NCKAP1: variants seen among roughly 807,000 people sequenced by gnomAD.
NCKAP1 encodes the protein NCK associated protein 1.
NCKAP1 carries 21 observed loss-of-function variants against 151.2 expected under a neutral mutation model. That is an observed-to-expected ratio of 0.14 (90% CI 0.10 to 0.20). NCKAP1 has a LOEUF of 0.20. NCKAP1 is among the 10% of genes least tolerant of loss of function. NCKAP1 has a pLI of 1.00. For synonymous variants in NCKAP1, 484 were observed against 451.8 expected (o/e 1.07, Z -0.90); for missense variants, 933 against 1,352.1 (o/e 0.69, Z 4.86).
At chr2:183,014,678 G>C (rs1698651383) in intron 2 of NCKAP1, among the ~76,000 whole-genome samples, 2 of 152,122 alleles carry the variant, frequency 1.3e-5, no homozygotes, top group Non-Finnish European at 2.9e-5. Context: ...TTCCATTGTA[G>C]CTTTTACTGT....
intron 20 of NCKAP1, 111 bp from the exon 21 acceptor site, chr2:182,953,442 T>C (rs1015308288): frequency 3.0e-6 from 2 of 669,386 alleles, no homozygotes; most frequent in Non-Finnish European, 4.8e-6. Context: ...AAATTAACTT[T>C]AAAAATAATT....
chr2:183,038,312 C>T lies in NCKAP1; in HGVS notation c.-213G>A, dbSNP rs1047521989. ...GCCCCTTCTCCCGCAGCAGCCCGCG[C>T]CCCGGCAGCCTCCTGCCTTCCGCCC... On this transcript the variant is annotated 5_prime_UTR_variant, in exon 1 of 31. Coordinates refer to ENST00000361354, the MANE Select transcript of NCKAP1 (RefSeq NM_013436.5). 16 of 343,880 alleles carry T rather than the reference C, an allele frequency of 4.7e-5. No individual in the cohort carries two copies. The highest frequency in any genetic ancestry group is 3.2e-4 in the African/African-American group (15 of 46,258). The allele number at this position is 343,880 out of a possible 1,614,324, so 21.3% of individuals were successfully genotyped here.
intron 24 of NCKAP1, among the ~76,000 whole-genome samples, chr2:182,936,396 A>G (rs1575016156): frequency 6.6e-6 from 1 of 152,212 alleles, no homozygotes; most frequent in East Asian, 1.9e-4. Context: ...GAAGAAATAT[A>G]AACAGAATAA....
intron 15 of NCKAP1, among the ~76,000 whole-genome samples, chr2:182,970,719 T>C (rs13399354): frequency 0.6 from 91,278 of 152,076 alleles, 30,519 homozygotes; most frequent in East Asian, 0.86. Flanking sequence ...CAAGGATGCC[T>C]GCTTTCAACA....
chr2:183,001,184 G>T (rs1426958303), intron 6 of NCKAP1, among the ~76,000 whole-genome samples: 1 of 152,146 alleles, frequency 6.6e-6, no homozygotes, highest in Non-Finnish European at 1.5e-5. Context: ...CTAGTATCCT[G>T]GGCTTCAGTT....
At chr2:182,972,121 C>T (rs1697708861) in intron 15 of NCKAP1, among the ~76,000 whole-genome samples, 1 of 145,796 alleles carries the variant, frequency 6.9e-6, no homozygotes, top group Admixed American at 7.1e-5. Flanking sequence ...ACAATCAGCA[C>T]AGTGAAGAGA....
intron 2 of NCKAP1, among the ~76,000 whole-genome samples, chr2:183,010,353 G>C (rs1026410891): frequency 3.9e-5 from 6 of 152,216 alleles, no homozygotes; most frequent in African/African-American, 1.4e-4. Flanking sequence ...GTATCACATA[G>C]AGAAAGGGCA....
rs1698384082 is a variant in NCKAP1, at chr2:183,002,037, TCTGTCA to T, written c.513_518del (p.Ser171_Asp172del). ...TCATCTGGCCAAGGCGTGGGTATTC[TCTGTCA>T]CTTAAAACAGACATATCAAATTTCA... On this transcript the variant is annotated inframe_deletion and splice_region_variant, in exon 6 of 31. Coordinates refer to ENST00000361354, the MANE Select transcript of NCKAP1 (RefSeq NM_013436.5). 1 of 1,613,574 alleles carries T rather than the reference TCTGTCA, an allele frequency of 6.2e-7. No individual in the cohort carries two copies. The highest frequency in any genetic ancestry group is 1.1e-5 in the South Asian group (1 of 91,068).
chr2:182,960,810 A>G (rs1488282429), intron 18 of NCKAP1, among the ~76,000 whole-genome samples: 1 of 152,238 alleles, frequency 6.6e-6, no homozygotes, highest in Non-Finnish European at 1.5e-5. Flanking sequence ...AAAGAATGGG[A>G]GAAAATTTTT....
chr2:183,008,003 T>C (rs1475133193), intron 2 of NCKAP1, among the ~76,000 whole-genome samples: 1 of 152,220 alleles, frequency 6.6e-6, no homozygotes, highest in African/African-American at 2.4e-5. Flanking sequence ...CTCGGCTCAC[T>C]GCAACCTCCT....
At chr2:182,943,420 T>C (rs1697036612) in intron 23 of NCKAP1, among the ~76,000 whole-genome samples, 1 of 152,172 alleles carries the variant, frequency 6.6e-6, no homozygotes, top group South Asian at 2.1e-4. Flanking sequence ...AGTTAAGCTC[T>C]AGTCACATTT....
intron 20 of NCKAP1, among the ~76,000 whole-genome samples, chr2:182,954,121 AGGTTTTGTT>A (rs1697275627): frequency 6.6e-6 from 1 of 152,176 alleles, no homozygotes; most frequent in Non-Finnish European, 1.5e-5. Context: ...TAAATTGATA[AGGTTTTGTT>A]GGGAAGTGGT....
intron 23 of NCKAP1, among the ~76,000 whole-genome samples, chr2:182,943,745 T>C (rs1046811813): frequency 3.3e-5 from 5 of 152,196 alleles, no homozygotes; most frequent in Admixed American, 6.5e-5. Flanking sequence ...GTTAAGCTCT[T>C]ATACAAGGTA....
At chr2:182,982,790 G>T (rs372888434) in intron 12 of NCKAP1, 31 bp downstream of exon 12, 107 of 1,437,606 alleles carry the variant, frequency 7.4e-5, no homozygotes, top group Non-Finnish European at 9.5e-5. Flanking sequence ...TCTATATACA[G>T]AAAATATTTT....
intron 8 of NCKAP1, among the ~76,000 whole-genome samples, chr2:182,992,016 AG>A (rs1451884219): frequency 6.6e-6 from 1 of 152,192 alleles, no homozygotes; most frequent in Non-Finnish European, 1.5e-5. Context: ...AGAATCACTG[AG>A]AAAGTACATT....
intron 2 of NCKAP1, among the ~76,000 whole-genome samples, chr2:183,020,393 A>T (rs549195013): frequency 7.0e-6 from 1 of 143,770 alleles, no homozygotes; most frequent in East Asian, 2.1e-4. Context: ...TGAGACCAGG[A>T]GGTGGAGGTT....
At chr2:182,925,850 T>C (rs747159289) in intron 30 of NCKAP1, 32 bp from the exon 31 acceptor site, 2 of 1,254,440 alleles carry the variant, frequency 1.6e-6, no homozygotes, top group Non-Finnish European at 1.1e-6. Context: ...TCAAAACAAG[T>C]TATTTATAAC....
chr2:182,975,007 G>A (rs1384471506), intron 15 of NCKAP1, among the ~76,000 whole-genome samples: 3 of 152,152 alleles, frequency 2.0e-5, no homozygotes, highest in Non-Finnish European at 2.9e-5. Context: ...CATCTGAAAT[G>A]CATCTAAATC....
chr2:182,948,133 G>A (rs1201257899), intron 23 of NCKAP1, among the ~76,000 whole-genome samples: 1 of 151,908 alleles, frequency 6.6e-6, no homozygotes, highest in Non-Finnish European at 1.5e-5. Flanking sequence ...TATTTCATAG[G>A]AAGCCTTCTG....
Sources: gnomAD v4.1 joint callset for allele counts (sites outside exome capture counted in the v4.1 genomes callset) on GRCh38, gnomAD v4.1.1 for gene constraint, MANE v1.5 for transcripts, NCBI Gene and HGNC (gene_info 2026-07-23, HGNC 2026-07-21) for gene names.